DNAH12: variants seen among roughly 807,000 people sequenced by gnomAD.
DNAH12 encodes the protein axonemal beta dynein heavy chain 12.
A neutral mutation model predicts 371.5 loss-of-function variants in DNAH12; 285 were observed. The observed-to-expected ratio is 0.77, with a 90% confidence interval of 0.70 to 0.85. DNAH12 has a LOEUF of 0.85. Ranked by LOEUF, DNAH12 falls within the 40% of genes least tolerant of loss-of-function variation. The pLI, the probability that DNAH12 is intolerant of heterozygous loss-of-function variation, is 0.00. For synonymous variants in DNAH12, 1,200 were observed against 1,213.0 expected (o/e 0.99, Z 0.22); for missense variants, 3,611 against 3,689.4 (o/e 0.98, Z 0.55).
intron 2 of DNAH12, among the ~76,000 whole-genome samples, chr3:57,534,342 T>C (rs1333562916): frequency 1.3e-5 from 2 of 152,092 alleles, no homozygotes; most frequent in Non-Finnish European, 2.9e-5. Flanking sequence ...ATCTGATTTT[T>C]TGGTTCTTAT....
At chr3:57,332,517 C>T (rs1375152332) in intron 62 of DNAH12, among the ~76,000 whole-genome samples, 3 of 152,194 alleles carry the variant, frequency 2.0e-5, no homozygotes, top group African/African-American at 7.2e-5. Context: ...ACGCTATTCT[C>T]TCAGCTTTCT....
At chr3:57,549,868 T>C in the DNAH12 span, among the ~76,000 whole-genome samples, 1 of 152,128 alleles carries the variant, frequency 6.6e-6, no homozygotes, top group African/African-American at 2.4e-5. Context: ...ATGCAGTCCT[T>C]CTGCCTTGGC....
intron 73 of DNAH12, 94 bp from the exon 74 acceptor site, chr3:57,294,065 A>T: frequency 9.2e-7 from 1 of 1,083,630 alleles, no homozygotes; most frequent in South Asian, 2.2e-5. Flanking sequence ...AATGGCCAGA[A>T]CTAAATCTAA....
intron 2 of DNAH12, among the ~76,000 whole-genome samples, chr3:57,532,716 G>A (rs896649179): frequency 1.5e-4 from 23 of 152,192 alleles, no homozygotes; most frequent in Admixed American, 7.9e-4. Flanking sequence ...TGAGCTGCCT[G>A]GAGCTGGAGG....
chr3:57,343,851 A>T (rs990955425), intron 60 of DNAH12, among the ~76,000 whole-genome samples: 9 of 152,166 alleles, frequency 5.9e-5, no homozygotes, highest in African/African-American at 2.2e-4. Context: ...TACTCTGCTG[A>T]GACGTTTGGG....
At chr3:57,431,722 C>T (rs2064961114) in intron 32 of DNAH12, among the ~76,000 whole-genome samples, 1 of 152,152 alleles carries the variant, frequency 6.6e-6, no homozygotes, top group Non-Finnish European at 1.5e-5. Flanking sequence ...CAAAGGCAGA[C>T]CTTGGTACTA....
In DNAH12 at chr3:57,522,530, G is replaced by T. The variant is rs2068488213; in HGVS notation, c.279+1053C>A. Among the ~76,000 whole-genome samples, 3 of 152,152 alleles carry T rather than the reference G, an allele frequency of 2.0e-5. No homozygotes were observed. In the South Asian group the frequency reaches 6.2e-4, roughly 32 times the overall value. ...CATCCAAATTCTCCAGAAACGGGTG[G>T]CCAGGTAAGGAGGAAGAAGAGCATT... On this transcript the variant is annotated intron_variant, in intron 4 of 73. Transcript: ENST00000495027.
At chr3:57,376,221 GA>G (rs1182466919) in intron 53 of DNAH12, among the ~76,000 whole-genome samples, 57 of 138,198 alleles carry the variant, frequency 4.1e-4, no homozygotes, top group Middle Eastern at 3.6e-3. Context: ...TTCAGAAAAA[GA>G]AAAAAAAAAA....
At chr3:57,419,750 T>A (rs970755949) in intron 36 of DNAH12, among the ~76,000 whole-genome samples, 67 of 152,284 alleles carry the variant, frequency 4.4e-4, no homozygotes, top group African/African-American at 1.6e-3. Flanking sequence ...TTTTTCAATT[T>A]TCATTTTTAA....
At chr3:57,369,219 T>TAAAAAA (rs1169309910) in intron 55 of DNAH12, among the ~76,000 whole-genome samples, 20 of 126,018 alleles carry the variant, frequency 1.6e-4, no homozygotes, top group Middle Eastern at 4.0e-3. Context: ...GAAACTCCAT[T>TAAAAAA]AAAAAAAAAA....
chr3:57,314,438 C>T, intron 66 of DNAH12, 56 bp downstream of exon 66: 1 of 1,546,504 alleles, frequency 6.5e-7, no homozygotes, highest in South Asian at 1.2e-5. Flanking sequence ...AAAAGACTTG[C>T]CTAGGGCCTG....
At chr3:57,525,383 C>T (rs2068609526) in intron 2 of DNAH12, among the ~76,000 whole-genome samples, 1 of 152,030 alleles carries the variant, frequency 6.6e-6, no homozygotes, top group African/African-American at 2.4e-5. Context: ...TAGTTTGGTA[C>T]CTTACCTAAT....
chr3:57,340,968 G>A (rs904227924), intron 60 of DNAH12, among the ~76,000 whole-genome samples: 3 of 152,098 alleles, frequency 2.0e-5, no homozygotes, highest in African/African-American at 7.2e-5. Context: ...TTATCCTAGG[G>A]ATGCAAGGAT....
At chr3:57,345,381 C>T (rs2062514445) in intron 60 of DNAH12, among the ~76,000 whole-genome samples, 2 of 152,104 alleles carry the variant, frequency 1.3e-5, no homozygotes, top group African/African-American at 4.8e-5. Context: ...GATCAAATCC[C>T]ATAATGTATA....
At chr3:57,556,015 G>T in the DNAH12 span, among the ~76,000 whole-genome samples, 1 of 152,228 alleles carries the variant, frequency 6.6e-6, no homozygotes, top group African/African-American at 2.4e-5. The surrounding 1 kb of genome is among the most constrained non-coding windows in gnomAD (Gnocchi z 5.0). Context: ...CTCCTCCAAC[G>T]AAGCGGAACA....
At chr3:57,322,975 A>G (rs2061842413) in intron 64 of DNAH12, 32 bp downstream of exon 64, 3 of 1,544,846 alleles carry the variant, frequency 1.9e-6, no homozygotes, top group East Asian at 4.9e-5. Context: ...AGCTAAGTAA[A>G]TGTACTTAAC....
At chr3:57,459,500 T>C (rs763638488) in intron 20 of DNAH12, 92 bp downstream of exon 20, 9 of 1,226,498 alleles carry the variant, frequency 7.3e-6, no homozygotes, top group African/African-American at 1.5e-5. Context: ...TGAGCAAGTT[T>C]AATTTTTATA....
chr3:57,416,434 G>A (rs2064378334), intron 37 of DNAH12, among the ~76,000 whole-genome samples: 1 of 152,168 alleles, frequency 6.6e-6, no homozygotes, highest in South Asian at 2.1e-4. Context: ...TTGAATAGAT[G>A]TAATATCGCT....
At chr3:57,537,505 C>T (rs954144502) in intron 2 of DNAH12, among the ~76,000 whole-genome samples, 2 of 152,140 alleles carry the variant, frequency 1.3e-5, no homozygotes, top group African/African-American at 2.4e-5. Flanking sequence ...CAGGAACTCC[C>T]TCTATCCACA....
Sources: allele counts gnomAD v4.1 joint callset (sites outside exome capture counted in the v4.1 genomes callset), GRCh38; gene constraint gnomAD v4.1.1; non-coding constraint Gnocchi (gnomAD v3.1); transcripts MANE v1.5; gene names NCBI Gene and HGNC (gene_info 2026-07-23, HGNC 2026-07-21).